ASH1L: variants seen among roughly 807,000 people sequenced by gnomAD.
The protein encoded by ASH1L is ASH1 like histone lysine methyltransferase, also known as histone-lysine N-methyltransferase ASH1L.
In ASH1L, 23 loss-of-function variants were observed where a neutral mutation model predicts 269.0. That is an observed-to-expected ratio of 0.09 (90% CI 0.06 to 0.12). The LOEUF (loss-of-function observed/expected upper bound fraction) is 0.12, where lower values mean the gene tolerates loss of function less well. ASH1L is among the 10% of genes least tolerant of loss of function. ASH1L has a pLI of 1.00. For synonymous variants in ASH1L, 1,187 were observed against 1,253.5 expected (o/e 0.95, Z 1.12); for missense variants, 2,912 against 3,567.8 (o/e 0.82, Z 4.68).
intron 12 of ASH1L, among the ~76,000 whole-genome samples, chr1:155,364,922 TAA>T (rs60237031): frequency 1.5e-4 from 16 of 107,138 alleles, no homozygotes; most frequent in Middle Eastern, 4.7e-3. Context: ...AGCTCTGTCT[TAA>T]AAAAAAAAAA....
chr1:155,493,893 A>AT (rs1472335553), intron 2 of ASH1L, among the ~76,000 whole-genome samples: 2 of 151,954 alleles, frequency 1.3e-5, no homozygotes, highest in Admixed American at 1.3e-4. Flanking sequence ...TTTTTTTTTC[A>AT]TTTTTTCAGC....
rs899816735 is a variant in ASH1L, at chr1:155,531,449, C to T, written c.-99-9831G>A. 4.6e-5 allele frequency among the ~76,000 whole-genome samples: 7 copies of T among 151,838 alleles called. No homozygotes were observed. In the East Asian group the frequency reaches 9.6e-4, roughly 21 times the overall value. The stretch of plus-strand genomic sequence containing the variant: ...TCGGCTCACTGCAACCTCCGCCTCC[C>T]GGGTTCAAGCAAAGAATTCATTTTT... On this transcript the variant is annotated intron_variant, in intron 1 of 27. Transcript: ENST00000392403.
chr1:155,539,129 A>G (rs1670254126), intron 1 of ASH1L, among the ~76,000 whole-genome samples: 1 of 151,848 alleles, frequency 6.6e-6, no homozygotes, highest in Non-Finnish European at 1.5e-5. Flanking sequence ...ATCTTTTGGT[A>G]TCTTTTTAAT....
chr1:155,432,344 A>G (rs537246994), intron 5 of ASH1L, among the ~76,000 whole-genome samples: 23 of 152,314 alleles, frequency 1.5e-4, no homozygotes, highest in Admixed American at 3.9e-4. Context: ...CAGTACTCTT[A>G]TAACTCTAAG....
At chr1:155,432,559 T>C (rs1661689101) in intron 5 of ASH1L, among the ~76,000 whole-genome samples, 1 of 152,126 alleles carries the variant, frequency 6.6e-6, no homozygotes, top group Admixed American at 6.6e-5. Flanking sequence ...TGTTGCTATC[T>C]CTGGGAACTC....
Position 155,380,841 on chromosome 1 carries a change from T to C in ASH1L, c.6104-725A>G, listed in dbSNP as rs368189845. 1.3e-3 allele frequency among the ~76,000 whole-genome samples: 201 copies of C among 151,518 alleles called. 1 individual carries two copies. Among genetic ancestry groups the C allele is most frequent in the African/African-American group, 4.0e-3 (166 of 41,370 alleles). On this transcript the variant is annotated intron_variant, in intron 7 of 27. Transcript: ENST00000392403. Reference sequence around the variant, plus strand: ...TTTTAGTAGAGACAGGGTTTCTCCATGTTGGTCAGGCTGGTCTTGAACTCC... The same window carrying C: ...TTTTAGTAGAGACAGGGTTTCTCCACGTTGGTCAGGCTGGTCTTGAACTCC...
chr1:155,458,952 CTTTTT>C (rs368224681), intron 4 of ASH1L, among the ~76,000 whole-genome samples: 1 of 134,546 alleles, frequency 7.4e-6, no homozygotes, highest in Non-Finnish European at 1.6e-5. Context: ...CATCCTCTCT[CTTTTT>C]TTTTTTTTTT....
chr1:155,399,629 G>A (rs1180141790), intron 6 of ASH1L, among the ~76,000 whole-genome samples: 12 of 151,710 alleles, frequency 7.9e-5, no homozygotes, highest in Admixed American at 7.9e-4. Flanking sequence ...ATAAAGTGAG[G>A]CTGTCCCACC....
intron 2 of ASH1L, among the ~76,000 whole-genome samples, chr1:155,506,632 G>A (rs1667835330): frequency 6.6e-6 from 1 of 152,290 alleles, no homozygotes; most frequent in African/African-American, 2.4e-5. Context: ...GGGAGGTGGA[G>A]ACTGCAGTGT....
At chr1:155,510,411 CAAA>C (rs1161549080) in intron 2 of ASH1L, among the ~76,000 whole-genome samples, 1,136 of 40,884 alleles carry the variant, frequency 0.028, 5 homozygotes, top group African/African-American at 0.073. Context: ...AAGGCTGCCT[CAAA>C]AAAAAAAAAA....
intron 2 of ASH1L, among the ~76,000 whole-genome samples, chr1:155,498,538 T>C (rs1667304096): frequency 6.6e-6 from 1 of 151,794 alleles, no homozygotes; most frequent in African/African-American, 2.4e-5. Context: ...GCCTCCCGGG[T>C]TCAAGCGATT....
chr1:155,401,713 C>T (rs781373905), intron 6 of ASH1L, among the ~76,000 whole-genome samples: 2 of 151,278 alleles, frequency 1.3e-5, no homozygotes, highest in East Asian at 2.0e-4. Flanking sequence ...GCCTGAACCC[C>T]GGAGGTGGAG....
At chr1:155,453,317 T>TG (rs1663632371) in intron 4 of ASH1L, among the ~76,000 whole-genome samples, 1 of 151,964 alleles carries the variant, frequency 6.6e-6, no homozygotes, top group Admixed American at 6.6e-5. Context: ...ATCATGCAAC[T>TG]GCACTCCAGT....
rs529258551 is a variant in ASH1L, at chr1:155,370,822, A to T, written c.6494T>A (p.Phe2165Tyr). The change falls in exon 11 of 28, where the codon TTC becomes TAC. Residue 2165 changes from phenylalanine to tyrosine, a missense_variant. Physicochemically the swap from Phe to Tyr is conservative, Grantham distance 22. Coordinates refer to ENST00000392403, the MANE Select transcript of ASH1L (RefSeq NM_018489.3). ...GACCTCCCCTAGGTATTCAATGATG[A>T]ACTGCCCAGCTTTTAGGGGCTCTTT... ...RTKEPLKAGQ[F>Y]IIEYLGEVVS... The T allele has an allele frequency of 6.2e-7, 1 of 1,614,180 alleles. No individual in the cohort carries two copies. The highest frequency in any genetic ancestry group is 8.5e-7 in the Non-Finnish European group (1 of 1,180,028).
intron 1 of ASH1L, among the ~76,000 whole-genome samples, chr1:155,539,251 C>G (rs1230103345): frequency 6.7e-6 from 1 of 149,424 alleles, no homozygotes; most frequent in Non-Finnish European, 1.5e-5. Flanking sequence ...CAACCTTCAA[C>G]CTAACACCAA....
intron 5 of ASH1L, among the ~76,000 whole-genome samples, chr1:155,424,095 T>A (rs1393302678): frequency 1.3e-5 from 2 of 152,158 alleles, no homozygotes; most frequent in South Asian, 4.1e-4. Flanking sequence ...GCAGTTCAAC[T>A]TTTTGTTTTC....
At chr1:155,505,720 A>G (rs927261111) in intron 2 of ASH1L, among the ~76,000 whole-genome samples, 15 of 152,210 alleles carry the variant, frequency 9.9e-5, no homozygotes, top group African/African-American at 3.6e-4. Context: ...TAAATTTTAC[A>G]GTATTTGAAT....
intron 5 of ASH1L, among the ~76,000 whole-genome samples, chr1:155,428,529 T>C (rs563974025): frequency 1.4e-3 from 208 of 151,844 alleles, no homozygotes; most frequent in Admixed American, 2.2e-3. Context: ...ATAAACAAAA[T>C]CTCTTCAGCA....
chr1:155,540,546 G>C (rs1422004415), intron 1 of ASH1L, among the ~76,000 whole-genome samples: 4 of 152,160 alleles, frequency 2.6e-5, no homozygotes, highest in African/African-American at 9.7e-5. Flanking sequence ...AAGGCAGGCA[G>C]ACTGCTTGAG....
Sources: gnomAD v4.1 joint callset for allele counts (sites outside exome capture counted in the v4.1 genomes callset) on GRCh38, gnomAD v4.1.1 for gene constraint, MANE v1.5 for transcripts, NCBI Gene and HGNC (gene_info 2026-07-23, HGNC 2026-07-21) for gene names.